Variants in DAB1 observed in about 807,000 individuals in gnomAD.
DAB1 encodes DAB adaptor protein 1.
In DAB1, 15 loss-of-function variants were observed where a neutral mutation model predicts 64.6. The ratio of observed to expected loss-of-function variants is 0.23; its 90% CI spans 0.16 to 0.36. DAB1 has a LOEUF of 0.36. DAB1 is among the 10% of genes least tolerant of loss of function. The pLI is 1.00. For missense variants in DAB1, 596 were observed against 706.7 expected (o/e 0.84, Z 1.78); for synonymous variants, 235 against 251.9 (o/e 0.93, Z 0.64).
At chr1:57,042,903 T>A (rs748556835) in intron 9 of DAB1, among the ~76,000 whole-genome samples, 23 of 151,902 alleles carry the variant, frequency 1.5e-4, no homozygotes, top group Non-Finnish European at 2.1e-4. Context: ...CATTTGTTAT[T>A]AGGAACTCCA....
chr1:57,118,128 C>T (rs989450052), intron 4 of DAB1, among the ~76,000 whole-genome samples: 1 of 152,130 alleles, frequency 6.6e-6, no homozygotes, highest in Non-Finnish European at 1.5e-5. Context: ...GGATCTGATT[C>T]CTTCTCTGAT....
chr1:57,966,756 C>T (rs1323868904), intron 5 of DAB1, among the ~76,000 whole-genome samples: 1 of 152,070 alleles, frequency 6.6e-6, no homozygotes, highest in African/African-American at 2.4e-5. Flanking sequence ...TTTTTCTGGG[C>T]ATCTGTGTTT....
chr1:57,015,356 C>G lies in DAB1; in HGVS notation c.971G>C (p.Gly324Ala). The part of the protein sequence containing the change: ...QPLVQQQMVM[G>A]AQPPVAQVMP... ...CACCTGAGCGACTGGTGGCTGGGCA[C>G]CCATGACCATCTGCTGTTGGACGAG... Residue 324 changes from glycine to alanine, a missense_variant, in exon 12 of 15, where the codon GGT (glycine) becomes GCT (alanine). Around this residue, in one of 3 missense-constraint regions of DAB1, gnomAD observed 377 missense variants for 400.4 expected, o/e 0.94. Transcript: ENST00000371236. The G allele has an allele frequency of 1.2e-6, 2 of 1,614,036 alleles. No homozygotes were observed. Among genetic ancestry groups the G allele is most frequent in the Non-Finnish European group, 1.7e-6 (2 of 1,180,020 alleles).
At chr1:57,135,719 G>T (rs1036214121) in intron 4 of DAB1, among the ~76,000 whole-genome samples, 1 of 152,102 alleles carries the variant, frequency 6.6e-6, no homozygotes, top group East Asian at 1.9e-4. Context: ...AAATAATAAT[G>T]CAAAATGACC....
rs1329779234 is a variant in DAB1 at position 57,023,639 on chromosome 1, T to A, written c.787A>T (p.Thr263Ser). The change falls in exon 11 of 15, where the codon ACT becomes TCT. Residue 263 changes from threonine to serine, a missense_variant and splice_region_variant. Coordinates refer to ENST00000371236, the MANE Select transcript of DAB1 (RefSeq NM_001365792.1). ...STPPDITSPP[T>S]PATPGDAFIP... is the part of the protein sequence containing the mutation. Reference sequence around the variant, plus strand: ...AAGGCATCACCTGGAGTTGCAGGAGTCTGCCAGACAGAGAGAGGCAGAGGA... The same window carrying A: ...AAGGCATCACCTGGAGTTGCAGGAGACTGCCAGACAGAGAGAGGCAGAGGA... 1.2e-6 allele frequency: 2 copies of A among 1,601,496 alleles called. No individual in the cohort carries two copies. The highest frequency in any genetic ancestry group is 4.5e-5 in the East Asian group (2 of 44,774).
intron 1 of DAB1, among the ~76,000 whole-genome samples, chr1:57,873,601 GA>G (rs1643991379): frequency 6.6e-6 from 1 of 152,160 alleles, no homozygotes; most frequent in Non-Finnish European, 1.5e-5. Context: ...CACATGTACA[GA>G]AAACAATCTC....
chr1:58,499,121 T>C (rs1290139882), intron 3 of DAB1, among the ~76,000 whole-genome samples: 2 of 151,962 alleles, frequency 1.3e-5, no homozygotes, highest in Non-Finnish European at 2.9e-5. Flanking sequence ...CTAAGTGAAA[T>C]AAGCCAGGTA....
chr1:57,271,109 C>G (rs1670962197), intron 2 of DAB1, among the ~76,000 whole-genome samples: 1 of 152,158 alleles, frequency 6.6e-6, no homozygotes, highest in Non-Finnish European at 1.5e-5. Flanking sequence ...TTGGTGTAAG[C>G]AGCTCAAAAG....
At chr1:57,646,827 A>G (rs531045263) in intron 7 of DAB1, among the ~76,000 whole-genome samples, 7 of 152,242 alleles carry the variant, frequency 4.6e-5, no homozygotes, top group East Asian at 3.9e-4. Context: ...GTTTCTCTCT[A>G]ACCAACTGTG....
chr1:57,457,981 G>A (rs949300620), intron 7 of DAB1, among the ~76,000 whole-genome samples: 1 of 152,086 alleles, frequency 6.6e-6, no homozygotes, highest in East Asian at 1.9e-4. Context: ...AAAACTTGCT[G>A]TACTTTAGGT....
Position 57,152,135 on chromosome 1 carries a change from G to A in DAB1, c.68-6706C>T, listed in dbSNP as rs201071305. 5.3e-5 allele frequency among the ~76,000 whole-genome samples: 8 copies of A among 152,268 alleles called. No homozygotes were observed. In the East Asian group the frequency reaches 1.5e-3, roughly 29 times the overall value. On this transcript the variant is annotated intron_variant, in intron 2 of 14. Transcript: ENST00000371236. ...GGTGTCTTTTCTAATCTTTAAAAGGGATCTCCTTAAGTGTGAGAAATACTA... is the reference window on the plus strand; with the variant it reads ...GGTGTCTTTTCTAATCTTTAAAAGGAATCTCCTTAAGTGTGAGAAATACTA...
chr1:57,796,362 C>A (rs1405185361), intron 6 of DAB1, among the ~76,000 whole-genome samples: 1 of 151,844 alleles, frequency 6.6e-6, no homozygotes, highest in Non-Finnish European at 1.5e-5. Context: ...CCCGTCTCTA[C>A]TAAAAATACA....
At chr1:58,032,281 C>T (rs1646983605) in intron 5 of DAB1, among the ~76,000 whole-genome samples, 1 of 152,166 alleles carries the variant, frequency 6.6e-6, no homozygotes. Context: ...AGGACCATGT[C>T]TTCTTACTCA....
At chr1:58,109,105 G>C (rs1051615606) in intron 5 of DAB1, among the ~76,000 whole-genome samples, 5 of 152,144 alleles carry the variant, frequency 3.3e-5, no homozygotes, top group African/African-American at 1.2e-4. Flanking sequence ...TTTTAGTGTT[G>C]GGGCTTTCCT....
rs1570013918 is a variant in DAB1, at chr1:57,239,689, C to A, written c.67+51275G>T. On this transcript the variant is annotated intron_variant, in intron 2 of 14. Coordinates refer to ENST00000371236, the MANE Select transcript of DAB1 (RefSeq NM_001365792.1). ...AGAGAACTGTCTTCTCTTTATTTTT[C>A]TTTTTATTTACCCAAAAGATTATTT... is the stretch of plus-strand genomic sequence containing the variant. Among the ~76,000 whole-genome samples the A allele has an allele frequency of 2.6e-5, 4 of 151,974 alleles. No individual in the cohort carries two copies. In the East Asian group the frequency reaches 7.7e-4, roughly 29 times the overall value.
Position 57,944,128 on chromosome 1 carries a change from C to T in DAB1, n.388-59966G>A, listed in dbSNP as rs139678800. On this transcript the variant is annotated intron_variant and non_coding_transcript_variant, in intron 5 of 20. Coordinates refer to the DAB1 transcript ENST00000485760. ...CAAGGCACTCAGAGTTCTTCATAAT[C>T]TCTTCCCACTGGCTCCACCAGTCTC... Among the ~76,000 whole-genome samples, 441 of 152,256 alleles carry T rather than the reference C, an allele frequency of 2.9e-3. 4 individuals carry two copies. Among genetic ancestry groups the T allele is most frequent in the African/African-American group, 9.9e-3 (413 of 41,522 alleles).
intron 3 of DAB1, among the ~76,000 whole-genome samples, chr1:57,142,496 G>A (rs574494688): frequency 8.6e-5 from 13 of 151,922 alleles, no homozygotes; most frequent in Non-Finnish European, 1.6e-4. Flanking sequence ...CCCTCAACAA[G>A]TTCAGTGCAT....
At position 57,015,172 on chromosome 1, in the gene DAB1, G is replaced by A. The variant is rs1188662759; in HGVS notation, c.1155C>T (p.Thr385=). 1 of 1,614,166 alleles carries A rather than the reference G, an allele frequency of 6.2e-7. No homozygotes were observed. Among genetic ancestry groups the A allele is most frequent in the Admixed American group, 1.7e-5 (1 of 60,024 alleles). ...TCGTGCCTGGGACGGTGGCAAGGGG[G>A]GTGAGGGGACCTTGGAACATGGCAG... ...LPAAMFQGPL[T]PLATVPGTSD... is the part of the protein sequence containing the mutation. The change falls in exon 12 of 15, where the codon ACC becomes ACT. Residue 385 remains threonine (T), a synonymous_variant. Coordinates refer to ENST00000371236, the MANE Select transcript of DAB1 (RefSeq NM_001365792.1).
intron 6 of DAB1, among the ~76,000 whole-genome samples, chr1:57,752,207 A>T (rs1396682306): frequency 6.6e-6 from 1 of 152,172 alleles, no homozygotes; most frequent in Non-Finnish European, 1.5e-5. Context: ...TGGAGAGTAT[A>T]TTTTTATTCA....
Sources: gnomAD v4.1 joint callset for allele counts (sites outside exome capture counted in the v4.1 genomes callset) on GRCh38, gnomAD v4.1.1 for gene constraint, gnomAD v4.1.1 regional missense constraint, MANE v1.5 for transcripts, NCBI Gene and HGNC (gene_info 2026-07-23, HGNC 2026-07-21) for gene names.